The following VTA1 variants were observed in gnomAD, a reference collection of about 807,000 sequenced individuals.
VTA1 encodes the protein vesicle trafficking 1, also known as vacuolar protein sorting-associated protein VTA1 homolog.
A neutral mutation model predicts 36.9 loss-of-function variants in VTA1; 24 were observed. The ratio of observed to expected loss-of-function variants is 0.65; its 90% CI spans 0.47 to 0.91. The LOEUF (loss-of-function observed/expected upper bound fraction) is 0.91, where lower values mean the gene tolerates loss of function less well. Ranked by LOEUF, VTA1 falls within the 40% of genes least tolerant of loss-of-function variation. The probability of loss-of-function intolerance (pLI) is 0.00; values close to 1 mark genes in which losing one functional copy is unlikely to be tolerated. For synonymous variants in VTA1, 142 were observed against 130.2 expected, an observed-to-expected ratio of 1.09 and a Z score of -0.62; for missense variants, 393 against 377.2, an observed-to-expected ratio of 1.04 and a Z score of -0.35.
intron 7 of VTA1, among the ~76,000 whole-genome samples, chr6:142,212,456 C>G (rs533050790): frequency 6.6e-6 from 1 of 151,290 alleles, no homozygotes; most frequent in African/African-American, 2.4e-5. Context: ...TGTGACATTC[C>G]GAAAAAGGCA....
intron 4 of VTA1, among the ~76,000 whole-genome samples, chr6:142,174,041 TGGAG>T (rs1274665192): frequency 1.3e-5 from 2 of 152,142 alleles, no homozygotes; most frequent in Non-Finnish European, 2.9e-5. Flanking sequence ...TCCAGATAGT[TGGAG>T]GGGTCTGGAA....
At chr6:142,163,865 C>T (rs992676288) in intron 1 of VTA1, among the ~76,000 whole-genome samples, 5 of 152,048 alleles carry the variant, frequency 3.3e-5, no homozygotes, top group African/African-American at 9.7e-5. Flanking sequence ...TTATGAATTA[C>T]ATTTACATAT....
intron 5 of VTA1, among the ~76,000 whole-genome samples, chr6:142,193,762 C>G (rs1446323757): frequency 4.6e-5 from 7 of 151,690 alleles, no homozygotes; most frequent in African/African-American, 1.5e-4. Flanking sequence ...TTCTTCATAC[C>G]TGTCCATAAG....
At chr6:142,182,821 C>T (rs1413902613) in intron 4 of VTA1, among the ~76,000 whole-genome samples, 1 of 152,096 alleles carries the variant, frequency 6.6e-6, no homozygotes, top group Non-Finnish European at 1.5e-5. Flanking sequence ...TGGAAGTTGG[C>T]AGCAAATACA....
intron 4 of VTA1, among the ~76,000 whole-genome samples, chr6:142,188,231 T>TC (rs1775384610): frequency 1.0e-5 from 1 of 96,540 alleles, no homozygotes; most frequent in Non-Finnish European, 2.1e-5. Context: ...ATTTCTTTTT[T>TC]TTTTTTTTTT....
At chr6:142,175,417 G>T (rs940348712) in intron 4 of VTA1, among the ~76,000 whole-genome samples, 9 of 151,888 alleles carry the variant, frequency 5.9e-5, no homozygotes, top group African/African-American at 2.2e-4. Context: ...TTTTTAGCCG[G>T]CTTTGCCTAA....
At chr6:142,201,144 T>A (rs1399794529) in intron 6 of VTA1, among the ~76,000 whole-genome samples, 1 of 151,954 alleles carries the variant, frequency 6.6e-6, no homozygotes, top group Non-Finnish European at 1.5e-5. Context: ...TAAGATTGGT[T>A]TGAGATGTTG....
In VTA1 at chr6:142,218,645, G is replaced by A; in HGVS notation, c.*2G>A. 6.2e-7 allele frequency: 1 copy of A among 1,607,554 alleles called. No homozygotes were observed. Among genetic ancestry groups the A allele is most frequent in the South Asian group, 1.1e-5 (1 of 89,400 alleles). On this transcript the variant is annotated 3_prime_UTR_variant, in exon 8 of 8. Transcript: ENST00000367630. ...TTACTGACGACAGGCAGAGAATGAA[G>A]CCTTTGTATGACAGACCCATGTATT...
intron 1 of VTA1, among the ~76,000 whole-genome samples, chr6:142,156,587 C>T (rs561332325): frequency 7.2e-5 from 11 of 152,140 alleles, no homozygotes; most frequent in Non-Finnish European, 8.8e-5. Flanking sequence ...TTCAGTTTGC[C>T]GTGAGTAAAT....
At chr6:142,191,643 T>A (rs1231430368) in intron 5 of VTA1, among the ~76,000 whole-genome samples, 2 of 152,084 alleles carry the variant, frequency 1.3e-5, no homozygotes, top group African/African-American at 4.8e-5. Flanking sequence ...ATACTAATAA[T>A]AAATCCTCTA....
At chr6:142,218,398 C>T (rs560194074) in intron 7 of VTA1, 100 bp from the exon 8 acceptor site, 11 of 1,234,204 alleles carry the variant, frequency 8.9e-6, no homozygotes, top group Non-Finnish European at 1.2e-5. Flanking sequence ...TTTTACATAG[C>T]CTTAAATATG....
At chr6:142,156,378 C>T (rs1778662312) in intron 1 of VTA1, among the ~76,000 whole-genome samples, 1 of 152,116 alleles carries the variant, frequency 6.6e-6, no homozygotes, top group African/African-American at 2.4e-5. Context: ...CTCGGAGATT[C>T]CCCTAAGTGG....
At chr6:142,206,405 A>G (rs1253024807) in intron 7 of VTA1, among the ~76,000 whole-genome samples, 16 of 152,248 alleles carry the variant, frequency 1.1e-4, no homozygotes. Context: ...AAAATACATT[A>G]CAAGATCTAT....
chr6:142,153,634 G>A (rs1006788664), intron 1 of VTA1, among the ~76,000 whole-genome samples: 1 of 151,898 alleles, frequency 6.6e-6, no homozygotes, highest in Non-Finnish European at 1.5e-5. Context: ...TTTTAAATCA[G>A]GAATGAATGT....
chr6:142,217,759 C>T (rs1257316959), intron 7 of VTA1, among the ~76,000 whole-genome samples: 1 of 151,584 alleles, frequency 6.6e-6, no homozygotes, highest in Non-Finnish European at 1.5e-5. Context: ...GTGGTTATTT[C>T]AAAAGACAAG....
At chr6:142,149,969 T>C (rs1778536623) in intron 1 of VTA1, among the ~76,000 whole-genome samples, 1 of 152,174 alleles carries the variant, frequency 6.6e-6, no homozygotes, top group African/African-American at 2.4e-5. Flanking sequence ...TTTTATCTCT[T>C]TGTCTTTCTG....
At chr6:142,212,305 A>G (rs1775919053) in intron 7 of VTA1, among the ~76,000 whole-genome samples, 1 of 152,246 alleles carries the variant, frequency 6.6e-6, no homozygotes, top group African/African-American at 2.4e-5. Flanking sequence ...AAACTGCAGT[A>G]CATCTAGACA....
chr6:142,181,527 ATAGT>A (rs1466545585), intron 4 of VTA1, among the ~76,000 whole-genome samples: 5 of 150,520 alleles, frequency 3.3e-5, no homozygotes, highest in African/African-American at 1.2e-4. Flanking sequence ...TAAAAATTAA[ATAGT>A]TGGAGAATCT....
chr6:142,181,094 A>AAAAAAATATATATATATAT (rs1471429927), intron 4 of VTA1, among the ~76,000 whole-genome samples: 3 of 36,416 alleles, frequency 8.2e-5, no homozygotes, highest in Non-Finnish European at 1.2e-4. Context: ...AAAAAAAAAA[A>AAAAAAATATATATATATAT]ATATATATAT....
Sources: allele counts gnomAD v4.1 joint callset (sites outside exome capture counted in the v4.1 genomes callset), GRCh38; gene constraint gnomAD v4.1.1; transcripts MANE v1.5; gene names NCBI Gene and HGNC (gene_info 2026-07-23, HGNC 2026-07-21).